The following ZFYVE9 variants were observed in gnomAD, a reference collection of about 807,000 sequenced individuals.
ZFYVE9 encodes the protein zinc finger FYVE-type containing 9.
Under a neutral mutation model 126.7 loss-of-function variants are expected in ZFYVE9, and 43 were observed. That is an observed-to-expected ratio of 0.34 (90% CI 0.27 to 0.44). The LOEUF (loss-of-function observed/expected upper bound fraction) is 0.44, where lower values mean the gene tolerates loss of function less well. Ranked by LOEUF, ZFYVE9 falls within the 20% of genes least tolerant of loss-of-function variation. ZFYVE9 has a pLI of 1.00. For synonymous variants in ZFYVE9, 521 were observed against 597.4 expected (o/e 0.87, Z 1.87); for missense variants, 1,476 against 1,697.0 (o/e 0.87, Z 2.29).
At chr1:52,189,874 G>A (rs914391043) in intron 1 of ZFYVE9, 1 of 151,874 alleles carries the variant, frequency 6.6e-6, no homozygotes, top group Non-Finnish European at 1.5e-5. Context: ...AACACCATTT[G>A]TTGAAAAATG....
chr1:52,293,546 A>C lies in ZFYVE9; in HGVS notation c.3119A>C (p.Tyr1040Ser). ...HGGFLYVTST[Y>S]QSLQDLVLPT... ...GGATTCTTATATGTGACATCTACCTACCAGTCACTGCAAGACCTAGTACTC... is the reference window on the plus strand; with the variant it reads ...GGATTCTTATATGTGACATCTACCTCCCAGTCACTGCAAGACCTAGTACTC... Residue 1040 changes from tyrosine (Y) to serine (S), a missense_variant, in exon 11 of 19, where the codon TAC (tyrosine) becomes TCC (serine). Around this residue, in one of 2 missense-constraint regions of ZFYVE9, gnomAD observed 669 missense variants for 902.4 expected, o/e 0.74. Coordinates refer to ENST00000287727, the MANE Select transcript of ZFYVE9 (RefSeq NM_004799.4). 1 of 1,614,118 alleles carries C rather than the reference A, an allele frequency of 6.2e-7. No individual in the cohort carries two copies. Among genetic ancestry groups the C allele is most frequent in the Non-Finnish European group, 8.5e-7 (1 of 1,180,000 alleles).
intron 1 of ZFYVE9, among the ~76,000 whole-genome samples, chr1:52,214,943 A>G (rs889555639): frequency 2.0e-5 from 3 of 152,158 alleles, no homozygotes; most frequent in Non-Finnish European, 4.4e-5. Flanking sequence ...GGGGAGGGCA[A>G]TCTGTTTTAT....
intron 1 of ZFYVE9, among the ~76,000 whole-genome samples, chr1:52,156,565 G>A (rs1644405101): frequency 6.6e-6 from 1 of 152,182 alleles, no homozygotes; most frequent in Admixed American, 6.5e-5. Context: ...AAAGACCCGG[G>A]GTGGGAGTTA....
chr1:52,215,968 A>G (rs1645068629), intron 1 of ZFYVE9, among the ~76,000 whole-genome samples: 1 of 152,230 alleles, frequency 6.6e-6, no homozygotes, highest in Admixed American at 6.5e-5. Flanking sequence ...ATGTATAGAA[A>G]AAAAATCACA....
In ZFYVE9 at chr1:52,201,719, T is replaced by G. The variant is rs1331039289; in HGVS notation, c.-142-14650T>G. ...GATGCATTCCGACAGTCTGTGTCTT[T>G]TCATTGGTGCATTTAGACCATTGAC... On this transcript the variant is annotated intron_variant, in intron 1 of 18. Coordinates refer to ENST00000287727, the MANE Select transcript of ZFYVE9 (RefSeq NM_004799.4). Among the ~76,000 whole-genome samples, 5 of 152,058 alleles carry G rather than the reference T, an allele frequency of 3.3e-5. No homozygotes were observed. In the East Asian group the frequency reaches 9.7e-4, roughly 29 times the overall value.
intron 1 of ZFYVE9, among the ~76,000 whole-genome samples, chr1:52,188,790 GC>G (rs1439982974): frequency 6.6e-6 from 1 of 151,848 alleles, no homozygotes; most frequent in Non-Finnish European, 1.5e-5. Flanking sequence ...TTTTAAGATA[GC>G]TTTTTTTTTA....
At position 52,237,596 on chromosome 1, in the gene ZFYVE9, C is replaced by T. The variant is rs753089103; in HGVS notation, c.179C>T (p.Ala60Val). 4.3e-6 allele frequency: 7 copies of T among 1,613,954 alleles called. No individual in the cohort carries two copies. The East Asian group carries it at 1.3e-4, about 31-fold the overall frequency. The change falls in exon 4 of 19, where the codon GCA (alanine) becomes GTA (valine). Residue 60 changes from alanine to valine, a missense_variant. Ala to Val is a moderately conservative substitution (Grantham distance 64, BLOSUM62 0). Transcript: ENST00000287727. ...ACTTTGGCCAGTGTGAATGAATCTG[C>T]AGTTTCTAATGAGTCACAACCACAA... ...NPTLASVNES[A>V]VSNESQPQLK...
chr1:52,302,797 T>G (rs943046714), intron 12 of ZFYVE9, among the ~76,000 whole-genome samples: 4 of 151,394 alleles, frequency 2.6e-5, no homozygotes, highest in Non-Finnish European at 4.4e-5. Context: ...AACTGACAAC[T>G]TCTCATCACT....
chr1:52,330,195 T>A (rs1316295868), intron 13 of ZFYVE9, among the ~76,000 whole-genome samples: 1 of 152,034 alleles, frequency 6.6e-6, no homozygotes, highest in East Asian at 1.9e-4. Flanking sequence ...CTGACGAACA[T>A]GGAGAAACCC....
rs1359450853 is a variant in ZFYVE9, at chr1:52,340,992, G to A, written c.3939+761G>A. Among the ~76,000 whole-genome samples, 11 of 152,058 alleles carry A rather than the reference G, an allele frequency of 7.2e-5. No individual in the cohort carries two copies. The South Asian group carries it at 2.3e-3, about 32-fold the overall frequency. On this transcript the variant is annotated intron_variant, in intron 17 of 18. Coordinates refer to ENST00000287727, the MANE Select transcript of ZFYVE9 (RefSeq NM_004799.4). Reference sequence around the variant, plus strand: ...CCAGCACTTTGAGGGAGACCAAGGTGAGCAGATCACCTGAGGTCTGGAGTT... The same window carrying A: ...CCAGCACTTTGAGGGAGACCAAGGTAAGCAGATCACCTGAGGTCTGGAGTT...
At chr1:52,305,955 G>A (rs936443115) in intron 13 of ZFYVE9, among the ~76,000 whole-genome samples, 1 of 152,184 alleles carries the variant, frequency 6.6e-6, no homozygotes, top group African/African-American at 2.4e-5. Context: ...GCTGATGGGG[G>A]ATGTGTGCAG....
chr1:52,218,256 T>C (rs892776209), intron 2 of ZFYVE9, among the ~76,000 whole-genome samples: 1 of 152,118 alleles, frequency 6.6e-6, no homozygotes, highest in African/African-American at 2.4e-5. Context: ...GTACCAAATA[T>C]TGGTCCCCCA....
chr1:52,158,813 T>TG (rs946820567), intron 1 of ZFYVE9, among the ~76,000 whole-genome samples: 2 of 152,014 alleles, frequency 1.3e-5, no homozygotes, highest in African/African-American at 4.8e-5. Context: ...GTATTTTTTT[T>TG]TTTTTTTGAA....
intron 4 of ZFYVE9, among the ~76,000 whole-genome samples, chr1:52,251,293 G>A (rs557912596): frequency 2.4e-4 from 37 of 151,892 alleles, no homozygotes; most frequent in African/African-American, 8.7e-4. Flanking sequence ...GCTAGCTTTC[G>A]GTCTTTTACC....
At chr1:52,251,009 G>A (rs1019724259) in intron 4 of ZFYVE9, among the ~76,000 whole-genome samples, 6 of 151,588 alleles carry the variant, frequency 4.0e-5, no homozygotes, top group Non-Finnish European at 7.4e-5. Context: ...ACCATGCTTG[G>A]CCAGTTTTCA....
chr1:52,236,946 AT>A (rs547571643), intron 3 of ZFYVE9, among the ~76,000 whole-genome samples: 1,708 of 151,856 alleles, frequency 0.011, 28 homozygotes, highest in African/African-American at 0.038. Context: ...CTTCATTCTT[AT>A]TTTTTTTAAC....
At chr1:52,186,278 C>G (rs1644764873) in intron 1 of ZFYVE9, among the ~76,000 whole-genome samples, 1 of 150,464 alleles carries the variant, frequency 6.6e-6, no homozygotes, top group Non-Finnish European at 1.5e-5. Context: ...AAAACAACAA[C>G]AAAAAAGCCT....
intron 13 of ZFYVE9, among the ~76,000 whole-genome samples, chr1:52,317,052 C>G (rs567369967): frequency 6.6e-6 from 1 of 152,044 alleles, no homozygotes; most frequent in South Asian, 2.1e-4. Flanking sequence ...AGAAAATTCC[C>G]AAATATTTGG....
chr1:52,307,434 A>G (rs555580462), intron 13 of ZFYVE9, among the ~76,000 whole-genome samples: 124 of 152,068 alleles, frequency 8.2e-4, no homozygotes, highest in Non-Finnish European at 1.3e-3. Context: ...ACAGGATTTC[A>G]CCCTGTTGGC....
Sources: gnomAD v4.1 joint callset for allele counts (sites outside exome capture counted in the v4.1 genomes callset) on GRCh38, gnomAD v4.1.1 for gene constraint, gnomAD v4.1.1 regional missense constraint, MANE v1.5 for transcripts, NCBI Gene and HGNC (gene_info 2026-07-23, HGNC 2026-07-21) for gene names.